Variants in PDE7B observed in about 807,000 individuals in gnomAD.
PDE7B encodes the protein 3',5'-cyclic-AMP phosphodiesterase 7B.
A neutral mutation model predicts 56.2 loss-of-function variants in PDE7B; 29 were observed. That is an observed-to-expected ratio of 0.52 (90% CI 0.38 to 0.70). The LOEUF is 0.70. Among genes scored for constraint, PDE7B ranks in the 30% least tolerant of loss-of-function variants. PDE7B has a pLI of 0.00. For synonymous variants in PDE7B, 197 were observed against 196.9 expected (o/e 1.00, Z 0.00); for missense variants, 490 against 565.0 (o/e 0.87, Z 1.35).
intron 2 of PDE7B, chr6:136,037,746 C>A: frequency 1.0e-6 from 1 of 985,450 alleles, no homozygotes; most frequent in Non-Finnish European, 1.2e-6. Context: ...AGGGGAAGCC[C>A]CGCTTCTTTG....
intron 2 of PDE7B, among the ~76,000 whole-genome samples, chr6:136,065,227 C>A (rs1220382870): frequency 2.0e-5 from 3 of 152,118 alleles, no homozygotes; most frequent in African/African-American, 7.2e-5. Context: ...ATGTTATTAA[C>A]CATTTCTCCT....
chr6:136,128,359 A>G lies in PDE7B; in HGVS notation c.167-18992A>G, dbSNP rs115872627. 8.9e-3 allele frequency among the ~76,000 whole-genome samples: 1,358 copies of G among 152,262 alleles called. 18 individuals carry two copies. Among genetic ancestry groups the G allele is most frequent in the African/African-American group, 0.031 (1,297 of 41,560 alleles). The stretch of plus-strand genomic sequence containing the variant: ...GCTCAAGATGGAATCTAATTTTTTA[A>G]ATTAATTCTAATGCATGAGACAAAG... On this transcript the variant is annotated intron_variant, in intron 3 of 12. Transcript: ENST00000308191.
At chr6:135,976,985 A>G (rs1404505687) in intron 2 of PDE7B, among the ~76,000 whole-genome samples, 1 of 152,144 alleles carries the variant, frequency 6.6e-6, no homozygotes, top group East Asian at 1.9e-4. Context: ...GGAAATAGAA[A>G]TCCATCCTCT....
intron 1 of PDE7B, among the ~76,000 whole-genome samples, chr6:135,923,047 AC>A (rs2128195660): frequency 6.6e-6 from 1 of 151,576 alleles, no homozygotes; most frequent in South Asian, 2.1e-4. Flanking sequence ...CTTCTGGAAA[AC>A]CTCCCTGCTT....
At chr6:136,047,620 T>C (rs1347927956) in intron 2 of PDE7B, 1 of 152,148 alleles carries the variant, frequency 6.6e-6, no homozygotes, top group Non-Finnish European at 1.5e-5. Flanking sequence ...AAATGGAAAA[T>C]GATGTTTCAA....
At chr6:136,158,209 A>C (rs1778642931) in intron 8 of PDE7B, among the ~76,000 whole-genome samples, 1 of 152,186 alleles carries the variant, frequency 6.6e-6, no homozygotes, top group Admixed American at 6.5e-5. Flanking sequence ...ATGGGCTTTC[A>C]GGGAGCTATT....
intron 2 of PDE7B, among the ~76,000 whole-genome samples, chr6:136,063,991 T>TA (rs369008051): frequency 3.3e-5 from 5 of 152,310 alleles, no homozygotes; most frequent in Admixed American, 6.5e-5. Context: ...GTTTTTTTTT[T>TA]ACTACATAAT....
intron 2 of PDE7B, among the ~76,000 whole-genome samples, chr6:135,973,112 TTGA>T (rs1775121561): frequency 6.6e-6 from 1 of 151,062 alleles, no homozygotes; most frequent in Non-Finnish European, 1.5e-5. Flanking sequence ...TTTAAGCCAG[TTGA>T]TGAGTGATTC....
At chr6:136,067,340 T>C (rs755820759) in intron 2 of PDE7B, among the ~76,000 whole-genome samples, 21 of 152,334 alleles carry the variant, frequency 1.4e-4, no homozygotes, top group Non-Finnish European at 2.5e-4. Flanking sequence ...AGTGAGACTT[T>C]ATTGAATTTA....
At position 136,149,200 on chromosome 6, in the gene PDE7B, T is replaced by A. The variant is rs1778470090; in HGVS notation, c.382+50T>A. The stretch of plus-strand genomic sequence containing the variant: ...CTAAAATATACACCATAAAGTGGGA[T>A]TAATTTCATGAAAAACAAAATTTAT... On this transcript the variant is annotated intron_variant, in intron 5 of 12. Coordinates refer to ENST00000308191, the MANE Select transcript of PDE7B (RefSeq NM_018945.4). 2.4e-6 allele frequency: 3 copies of A among 1,243,118 alleles called. No homozygotes were observed. The Admixed American group carries it at 5.2e-5, about 22-fold the overall frequency. The allele number at this position is 1,243,118 out of a possible 1,614,324, so 77.0% of individuals were successfully genotyped here.
At chr6:135,902,152 A>C (rs1776013074) in intron 1 of PDE7B, among the ~76,000 whole-genome samples, 1 of 152,124 alleles carries the variant, frequency 6.6e-6, no homozygotes, top group Non-Finnish European at 1.5e-5. Flanking sequence ...AAATTTGTTT[A>C]TGATGTTCTT....
At chr6:136,120,731 T>C (rs1182213137) in intron 3 of PDE7B, among the ~76,000 whole-genome samples, 1 of 152,148 alleles carries the variant, frequency 6.6e-6, no homozygotes, top group African/African-American at 2.4e-5. Context: ...TGGCACTATA[T>C]GTCAGTATAG....
At chr6:136,164,344 A>C (rs890013644) in intron 8 of PDE7B, among the ~76,000 whole-genome samples, 7 of 152,134 alleles carry the variant, frequency 4.6e-5, no homozygotes, top group African/African-American at 1.7e-4. Context: ...ACCATGATTC[A>C]ATTACCTCTC....
At chr6:136,060,262 G>A (rs1421397807) in intron 2 of PDE7B, among the ~76,000 whole-genome samples, 2 of 152,058 alleles carry the variant, frequency 1.3e-5, no homozygotes, top group African/African-American at 2.4e-5. Context: ...GACCTTATGG[G>A]GAAAGGGAGT....
Position 136,009,710 on chromosome 6 carries a change from C to G in PDE7B, c.82+62186C>G, listed in dbSNP as rs554263486. On this transcript the variant is annotated intron_variant, in intron 2 of 12. Transcript: ENST00000308191. Reference sequence around the variant, plus strand: ...TATCCTGAGACTTTGCTGAAGTTGCCTATCAGCTTAAGGAGATTTTGGGCT... The same window carrying G: ...TATCCTGAGACTTTGCTGAAGTTGCGTATCAGCTTAAGGAGATTTTGGGCT... Among the ~76,000 whole-genome samples the G allele has an allele frequency of 1.1e-4, 17 of 152,206 alleles. No homozygotes were observed. In the South Asian group the frequency reaches 3.5e-3, roughly 32 times the overall value.
intron 1 of PDE7B, among the ~76,000 whole-genome samples, chr6:135,876,050 C>T (rs1775485462): frequency 6.6e-6 from 1 of 152,196 alleles, no homozygotes; most frequent in African/African-American, 2.4e-5. Context: ...TAGATAGAGA[C>T]AGCCTTCAGA....
chr6:136,148,285 G>T (rs904502606), intron 4 of PDE7B, among the ~76,000 whole-genome samples: 2 of 151,832 alleles, frequency 1.3e-5, no homozygotes, highest in African/African-American at 2.4e-5. Flanking sequence ...AAGCTCAGGA[G>T]GTTGAGGCTG....
chr6:136,170,074 C>G (rs1778855447), intron 8 of PDE7B, among the ~76,000 whole-genome samples: 1 of 152,126 alleles, frequency 6.6e-6, no homozygotes, highest in South Asian at 2.1e-4. Context: ...AGAATAGTTG[C>G]AGCTTTCCTG....
chr6:135,959,353 T>A (rs1774857523), intron 2 of PDE7B, among the ~76,000 whole-genome samples: 2 of 152,192 alleles, frequency 1.3e-5, no homozygotes, highest in South Asian at 4.1e-4. Context: ...CAAGCTGCTT[T>A]CTAAAATTTA....
Sources: gnomAD v4.1 joint callset for allele counts (sites outside exome capture counted in the v4.1 genomes callset) on GRCh38, gnomAD v4.1.1 for gene constraint, MANE v1.5 for transcripts, NCBI Gene and HGNC (gene_info 2026-07-23, HGNC 2026-07-21) for gene names.